The following GASK1A variants were observed in gnomAD, a reference collection of about 807,000 sequenced individuals.
GASK1A encodes the protein Golgi-associated kinase 1A.
In GASK1A, 40 loss-of-function variants were observed where a neutral mutation model predicts 41.2. The ratio of observed to expected loss-of-function variants is 0.97; its 90% confidence interval spans 0.75 to 1.27. GASK1A has a LOEUF of 1.27. Among genes scored for constraint, GASK1A ranks in the 50% most tolerant of loss-of-function variants. The pLI is 0.00. For synonymous variants in GASK1A, 316 were observed against 307.1 expected (o/e 1.03, Z -0.30); for missense variants, 678 against 745.1 (o/e 0.91, Z 1.05).
At chr3:43,018,660 C>G (rs921322453) in intron 1 of GASK1A, among the ~76,000 whole-genome samples, 3 of 152,164 alleles carry the variant, frequency 2.0e-5, no homozygotes, top group African/African-American at 7.2e-5. Context: ...CATAACAAAG[C>G]TGTTTTCATT....
chr3:43,028,874 G>T (rs966484617), intron 1 of GASK1A, among the ~76,000 whole-genome samples: 1 of 152,054 alleles, frequency 6.6e-6, no homozygotes, highest in East Asian at 1.9e-4. Context: ...TAGCTTGCTG[G>T]TCCCCGCCCC....
rs139444379 is a variant in GASK1A at position 43,005,487 on chromosome 3, G to A, written c.3+25842G>A. ...CTTTGTCCAGTATATTCACACTGCA[G>A]ATGCTCTCTGCCCATTAGTAACTTA... On this transcript the variant is annotated intron_variant, in intron 1 of 4. Transcript: ENST00000430121. Among the ~76,000 whole-genome samples the A allele has an allele frequency of 4.0e-3, 611 of 152,318 alleles. 4 individuals are homozygous for A. Among genetic ancestry groups the A allele is most frequent in the African/African-American group, 0.014 (562 of 41,562 alleles).
intron 1 of GASK1A, among the ~76,000 whole-genome samples, chr3:42,998,411 G>A (rs1369541082): frequency 1.3e-5 from 2 of 152,188 alleles, no homozygotes; most frequent in Non-Finnish European, 2.9e-5. Flanking sequence ...ACTTAGCCCA[G>A]TTTGCCCTTT....
chr3:43,013,771 G>T (rs969752953), intron 1 of GASK1A, among the ~76,000 whole-genome samples: 1 of 151,934 alleles, frequency 6.6e-6, no homozygotes, highest in Admixed American at 6.5e-5. Flanking sequence ...CCACTGGATG[G>T]GGCTACGTGA....
At chr3:43,047,049 G>A (rs979458080) in intron 2 of GASK1A, among the ~76,000 whole-genome samples, 3 of 152,222 alleles carry the variant, frequency 2.0e-5, no homozygotes, top group Non-Finnish European at 4.4e-5. Flanking sequence ...CTTTGCTAGG[G>A]CAATGTGGAA....
At chr3:43,008,369 T>C (rs188413342) in intron 1 of GASK1A, among the ~76,000 whole-genome samples, 62 of 152,340 alleles carry the variant, frequency 4.1e-4, no homozygotes, top group Non-Finnish European at 7.9e-4. Context: ...CCCCCAGACG[T>C]GGCTGCCTGC....
intron 1 of GASK1A, among the ~76,000 whole-genome samples, chr3:42,993,095 G>C (rs2089350282): frequency 6.6e-6 from 1 of 152,232 alleles, no homozygotes; most frequent in African/African-American, 2.4e-5. Context: ...CTAGGTTACA[G>C]TTCATCCACA....
rs558329733 is a variant in GASK1A, at chr3:43,046,072, G to A, written c.1291-7449G>A. ...TAATACAGTAAATTGGTACCACAAAGAGTGGGGTGCTGCTATAAAGGTACC... is the reference window on the plus strand; with the variant it reads ...TAATACAGTAAATTGGTACCACAAAAAGTGGGGTGCTGCTATAAAGGTACC... On this transcript the variant is annotated intron_variant, in intron 2 of 4. Transcript: ENST00000430121. Among the ~76,000 whole-genome samples the A allele has an allele frequency of 3.3e-5, 5 of 152,334 alleles. No homozygotes were observed. The East Asian group carries it at 9.6e-4, about 29-fold the overall frequency.
intron 1 of GASK1A, among the ~76,000 whole-genome samples, chr3:42,993,728 T>C (rs2089354517): frequency 1.3e-5 from 2 of 152,190 alleles, no homozygotes; most frequent in African/African-American, 4.8e-5. Flanking sequence ...TCCACGGCCA[T>C]TAAAAAATAA....
Position 43,033,298 on chromosome 3 carries a change from T to G in GASK1A, c.1035T>G (p.Pro345=). The G allele has an allele frequency of 6.4e-7, 1 of 1,551,416 alleles. No individual in the cohort carries two copies. The highest frequency in any genetic ancestry group is 1.2e-5 in the South Asian group (1 of 84,028). Residue 345 remains proline (P), a synonymous_variant, in exon 2 of 5, where the codon CCT becomes CCG. Transcript: ENST00000430121. ...TGCTGGGGCTGCGCCGGAGCCTACC[T>G]GCTGTGGCCCGCCGCTTCCATAGCC... is the stretch of plus-strand genomic sequence containing the variant. ...DRVLGLRRSL[P]AVARRFHSPL...
chr3:43,040,192 AT>A (rs143243888), intron 2 of GASK1A, among the ~76,000 whole-genome samples: 3 of 150,736 alleles, frequency 2.0e-5, no homozygotes, highest in Non-Finnish European at 3.0e-5. Context: ...TAAAACAACT[AT>A]TTTTTTTTCA....
rs116173828 is a variant in GASK1A at position 43,019,687 on chromosome 3, G to A, written c.4-12580G>A. On this transcript the variant is annotated intron_variant, in intron 1 of 4. Transcript: ENST00000430121. Reference sequence around the variant, plus strand: ...GGCTGTTTAGAAAGGGGCAAAGGTCGGGGAACAGAAACTAAGGGGTTGTCA... The same window carrying A: ...GGCTGTTTAGAAAGGGGCAAAGGTCAGGGAACAGAAACTAAGGGGTTGTCA... 6.6e-3 allele frequency among the ~76,000 whole-genome samples: 1,006 copies of A among 152,064 alleles called. 16 individuals are homozygous for A. The highest frequency in any genetic ancestry group is 0.023 in the African/African-American group (964 of 41,446).
intron 1 of GASK1A, among the ~76,000 whole-genome samples, chr3:42,980,404 T>G (rs1248254872): frequency 1.3e-5 from 2 of 152,232 alleles, no homozygotes; most frequent in Non-Finnish European, 2.9e-5. Context: ...TTAGTTGCTC[T>G]GCTTCTCCCG....
At chr3:42,989,106 A>T (rs971050387) in intron 1 of GASK1A, among the ~76,000 whole-genome samples, 1 of 152,254 alleles carries the variant, frequency 6.6e-6, no homozygotes, top group African/African-American at 2.4e-5. Context: ...CAGGAGCCGC[A>T]GTCCCTTTCA....
chr3:43,032,996 G>A lies in GASK1A; in HGVS notation c.733G>A (p.Glu245Lys). 6.4e-7 allele frequency: 1 copy of A among 1,551,676 alleles called. No individual in the cohort carries two copies. The highest frequency in any genetic ancestry group is 8.7e-7 in the Non-Finnish European group (1 of 1,146,968). Residue 245 changes from glutamate (E) to lysine (K), a missense_variant, in exon 2 of 5, where the codon GAG becomes AAG. Coordinates refer to ENST00000430121, the MANE Select transcript of GASK1A (RefSeq NM_001129908.3). ...KLQGSVWCDA[E>K]TLLSSSRTGG... ...GCAAGGGTCAGTATGGTGTGATGCT[G>A]AGACGCTGTTGAGCAGCTCGAGGAC...
intron 1 of GASK1A, among the ~76,000 whole-genome samples, chr3:43,006,193 T>C (rs2089435234): frequency 1.3e-5 from 2 of 152,198 alleles, no homozygotes; most frequent in African/African-American, 2.4e-5. Context: ...ACCTGCTCCT[T>C]CTGAGCTGGT....
intron 1 of GASK1A, among the ~76,000 whole-genome samples, chr3:43,001,581 T>C (rs937755548): frequency 6.6e-6 from 1 of 152,182 alleles, no homozygotes; most frequent in Non-Finnish European, 1.5e-5. Flanking sequence ...GAAATATTGA[T>C]TAATTTGATT....
chr3:42,991,886 T>C (rs1433389750), intron 1 of GASK1A, among the ~76,000 whole-genome samples: 1 of 152,120 alleles, frequency 6.6e-6, no homozygotes, highest in Non-Finnish European at 1.5e-5. Context: ...CAGGGTTGCT[T>C]CCTGGATAGC....
At chr3:43,029,067 C>G (rs1263531438) in intron 1 of GASK1A, among the ~76,000 whole-genome samples, 1 of 152,150 alleles carries the variant, frequency 6.6e-6, no homozygotes, top group Non-Finnish European at 1.5e-5. Context: ...GGGATTTTCT[C>G]TACTGTCTCC....
Sources: allele counts gnomAD v4.1 joint callset (sites outside exome capture counted in the v4.1 genomes callset), GRCh38; gene constraint gnomAD v4.1.1; transcripts MANE v1.5; gene names NCBI Gene and HGNC (gene_info 2026-07-23, HGNC 2026-07-21).